The following SGCZ variants were observed in gnomAD, a reference collection of about 807,000 sequenced individuals.
SGCZ encodes sarcoglycan zeta.
Under a neutral mutation model 41.3 loss-of-function variants are expected in SGCZ, and 40 were observed. The observed-to-expected ratio is 0.97, with a 90% CI of 0.75 to 1.26. The LOEUF is 1.26. Ranked by LOEUF, SGCZ falls within the 50% of genes most tolerant of loss-of-function variation. SGCZ has a pLI of 0.00. For missense variants in SGCZ, 552 were observed against 369.8 expected, an observed-to-expected ratio of 1.49 and a Z score of -4.04; for synonymous variants, 206 against 137.5, an observed-to-expected ratio of 1.50 and a Z score of -3.49.
intron 4 of SGCZ, among the ~76,000 whole-genome samples, chr8:14,207,565 A>G (rs1450485749): frequency 6.6e-6 from 1 of 152,044 alleles, no homozygotes; most frequent in East Asian, 1.9e-4. Context: ...TCTTTTTTGT[A>G]GTGTGTTTTT....
chr8:14,224,893 C>G lies in SGCZ; in HGVS notation c.424+12699G>C, dbSNP rs547581276. ...CCCTACCAACGTTTTCCTCAAGCCA[C>G]TAAATATTCTCTACATAAAGAAATT... is the stretch of plus-strand genomic sequence containing the variant. On this transcript the variant is annotated intron_variant, in intron 4 of 7. Transcript: ENST00000382080. Among the ~76,000 whole-genome samples, 5 of 152,306 alleles carry G rather than the reference C, an allele frequency of 3.3e-5. No individual in the cohort carries two copies. The East Asian group carries it at 9.6e-4, about 29-fold the overall frequency.
At position 15,052,961 on chromosome 8, in the gene SGCZ, G is replaced by C. The variant is rs1008920893; in HGVS notation, c.39+184624C>G. On this transcript the variant is annotated intron_variant, in intron 1 of 7. Coordinates refer to ENST00000382080, the MANE Select transcript of SGCZ (RefSeq NM_139167.4). ...CCAATCCATATAGCTTGATTCCTTT[G>C]ACCACACTCAAGGCATAGTTCCTAC... Among the ~76,000 whole-genome samples, 6 of 151,964 alleles carry C rather than the reference G, an allele frequency of 3.9e-5. No homozygotes were observed. The South Asian group carries it at 6.2e-4, about 16-fold the overall frequency.
rs142720182 is a variant in SGCZ, at chr8:14,483,527, C to T, written c.234+71205G>A. Among the ~76,000 whole-genome samples, 1,268 of 152,310 alleles carry T rather than the reference C, an allele frequency of 8.3e-3. 20 individuals carry two copies. The highest frequency in any genetic ancestry group is 0.029 in the African/African-American group (1,203 of 41,562). On this transcript the variant is annotated intron_variant, in intron 2 of 7. Coordinates refer to ENST00000382080, the MANE Select transcript of SGCZ (RefSeq NM_139167.4). ...TCAAGGCTATAGTGAACTGTGATTG[C>T]ACTCCTGCATTCCAGGCTAGGCAAC...
At chr8:14,309,539 G>A in intron 3 of SGCZ, 1 of 1,610,308 alleles carries the variant, frequency 6.2e-7, no homozygotes, top group Non-Finnish European at 8.5e-7. Flanking sequence ...TGAAAACAAA[G>A]AAGCTGTTAC....
At chr8:14,791,362 C>A (rs535197297) in intron 1 of SGCZ, among the ~76,000 whole-genome samples, 35 of 152,146 alleles carry the variant, frequency 2.3e-4, no homozygotes, top group African/African-American at 8.2e-4. Flanking sequence ...ATTCACCTCA[C>A]CATTGTGGGA....
chr8:14,399,330 C>T (rs890916001), intron 2 of SGCZ, among the ~76,000 whole-genome samples: 4 of 152,102 alleles, frequency 2.6e-5, no homozygotes, highest in Admixed American at 6.6e-5. Flanking sequence ...TACCAGTTTT[C>T]ATCTTACCAG....
chr8:14,191,410 T>G (rs1290097695), intron 4 of SGCZ, among the ~76,000 whole-genome samples: 1 of 152,186 alleles, frequency 6.6e-6, no homozygotes, highest in Non-Finnish European at 1.5e-5. Flanking sequence ...ACTGCCAAGG[T>G]TAATGTCAAA....
At chr8:15,051,044 T>C (rs776291874) in intron 1 of SGCZ, among the ~76,000 whole-genome samples, 2 of 152,188 alleles carry the variant, frequency 1.3e-5, no homozygotes, top group African/African-American at 4.8e-5. Flanking sequence ...GAGGTTCTCA[T>C]CTTGGTAGTT....
intron 1 of SGCZ, among the ~76,000 whole-genome samples, chr8:14,728,737 G>C (rs1342337038): frequency 6.6e-6 from 1 of 152,102 alleles, no homozygotes; most frequent in African/African-American, 2.4e-5. Context: ...TGCCTTATCT[G>C]AAAGAGCTTC....
At chr8:14,550,132 A>C (rs1256374445) in intron 2 of SGCZ, among the ~76,000 whole-genome samples, 1 of 152,052 alleles carries the variant, frequency 6.6e-6, no homozygotes, top group Non-Finnish European at 1.5e-5. Context: ...ATAGCAAATT[A>C]AACAACAGAA....
At chr8:14,976,394 T>G (rs930258114) in intron 1 of SGCZ, among the ~76,000 whole-genome samples, 7 of 152,242 alleles carry the variant, frequency 4.6e-5, no homozygotes, top group Non-Finnish European at 7.3e-5. Context: ...TAAATCTAAA[T>G]GTGCAAAATC....
chr8:14,723,813 A>G (rs554542657), intron 1 of SGCZ, among the ~76,000 whole-genome samples: 1 of 152,230 alleles, frequency 6.6e-6, no homozygotes, highest in East Asian at 1.9e-4. Context: ...TATATAATAT[A>G]TACTTTTCTA....
intron 4 of SGCZ, among the ~76,000 whole-genome samples, chr8:14,228,463 T>C (rs1055135961): frequency 1.3e-5 from 2 of 152,120 alleles, no homozygotes; most frequent in Non-Finnish European, 2.9e-5. Context: ...ATTACTTTAA[T>C]ATTAAAATTC....
At chr8:14,871,734 G>A (rs1019578338) in intron 1 of SGCZ, among the ~76,000 whole-genome samples, 1 of 151,940 alleles carries the variant, frequency 6.6e-6, no homozygotes, top group African/African-American at 2.4e-5. Flanking sequence ...AACTCAGGAG[G>A]CAGGGGTTGC....
chr8:14,709,982 T>TGCTAAG (rs1313303568), intron 1 of SGCZ, among the ~76,000 whole-genome samples: 1 of 152,076 alleles, frequency 6.6e-6, no homozygotes. Flanking sequence ...TCAAACCAGG[T>TGCTAAG]GCTAAGCACA....
intron 1 of SGCZ, among the ~76,000 whole-genome samples, chr8:14,984,694 T>C (rs1055941890): frequency 2.0e-5 from 3 of 152,188 alleles, no homozygotes; most frequent in Non-Finnish European, 2.9e-5. Context: ...TTTTGAATAA[T>C]GTAATATGAA....
intron 1 of SGCZ, among the ~76,000 whole-genome samples, chr8:14,770,632 G>A (rs1800205881): frequency 6.6e-6 from 1 of 152,040 alleles, no homozygotes; most frequent in South Asian, 2.1e-4. Context: ...TTTCACTTGT[G>A]TGCACAGATG....
At chr8:15,235,111 C>G (rs551377398) in intron 1 of SGCZ, among the ~76,000 whole-genome samples, 2 of 152,056 alleles carry the variant, frequency 1.3e-5, no homozygotes, top group Non-Finnish European at 2.9e-5. Context: ...CTGATCACAC[C>G]GGGAGGCTCT....
chr8:14,103,770 G>A lies in SGCZ; in HGVS notation c.621-1271C>T, dbSNP rs541153368. Among the ~76,000 whole-genome samples the A allele has an allele frequency of 5.3e-5, 8 of 151,928 alleles. No homozygotes were observed. The South Asian group carries it at 6.2e-4, about 12-fold the overall frequency. ...TTGAATGTGTCTATTTTTAAGAAACGTCTGTATTTTTTTTATTAAAACTCC... is the reference window on the plus strand; with the variant it reads ...TTGAATGTGTCTATTTTTAAGAAACATCTGTATTTTTTTTATTAAAACTCC... On this transcript the variant is annotated intron_variant, in intron 6 of 7. Coordinates refer to ENST00000382080, the MANE Select transcript of SGCZ (RefSeq NM_139167.4).
Sources: allele counts gnomAD v4.1 joint callset (sites outside exome capture counted in the v4.1 genomes callset), GRCh38; gene constraint gnomAD v4.1.1; transcripts MANE v1.5; gene names NCBI Gene and HGNC (gene_info 2026-07-23, HGNC 2026-07-21).